Variants in EPHB1 observed in about 807,000 individuals in gnomAD.
EPHB1 encodes ephrin type-B receptor 1.
EPHB1 carries 30 observed loss-of-function variants against 94.4 expected under a neutral mutation model. The observed-to-expected ratio is 0.32, with a 90% CI of 0.24 to 0.43. EPHB1 has a LOEUF of 0.43. EPHB1 is among the 20% of genes least tolerant of loss of function. The pLI is 1.00. For missense variants in EPHB1, 1,055 were observed against 1,308.3 expected, an observed-to-expected ratio of 0.81 and a Z score of 2.99; for synonymous variants, 522 against 489.1, an observed-to-expected ratio of 1.07 and a Z score of -0.89.
chr3:135,025,243 G>T (rs7653690), intron 3 of EPHB1, among the ~76,000 whole-genome samples: 7,462 of 101,616 alleles, frequency 0.073, 720 homozygotes, highest in African/African-American at 0.21. Context: ...TAAGTTTTAG[G>T]GTACATGTGC....
intron 1 of EPHB1, among the ~76,000 whole-genome samples, chr3:134,868,161 A>G (rs2037420145): frequency 6.6e-6 from 1 of 152,218 alleles, no homozygotes; most frequent in Non-Finnish European, 1.5e-5. Context: ...AGATTTTTAA[A>G]TGTGGACATG....
intron 10 of EPHB1, among the ~76,000 whole-genome samples, chr3:135,192,176 C>G (rs776181448): frequency 6.6e-6 from 1 of 152,202 alleles, no homozygotes; most frequent in Admixed American, 6.5e-5. Flanking sequence ...CTGAACATGT[C>G]TCCTATCCCC....
chr3:135,200,344 G>A (rs1000003446), intron 11 of EPHB1, among the ~76,000 whole-genome samples: 13 of 152,188 alleles, frequency 8.5e-5, no homozygotes, highest in Admixed American at 2.0e-4. Flanking sequence ...AATGATAGGA[G>A]AGAGGACAGC....
At chr3:134,819,926 A>G (rs966964291) in intron 1 of EPHB1, among the ~76,000 whole-genome samples, 1 of 152,162 alleles carries the variant, frequency 6.6e-6, no homozygotes, top group African/African-American at 2.4e-5. Flanking sequence ...CCAATTTCTG[A>G]TTTAATCAGT....
intron 2 of EPHB1, among the ~76,000 whole-genome samples, chr3:134,931,762 T>C (rs62270315): frequency 0.088 from 13,360 of 152,282 alleles, 698 homozygotes; most frequent in African/African-American, 0.13. Context: ...TGTGCATGTA[T>C]ATATGAGTGT....
intron 1 of EPHB1, among the ~76,000 whole-genome samples, chr3:134,895,322 G>T (rs1403053957): frequency 1.3e-5 from 2 of 152,178 alleles, no homozygotes; most frequent in Non-Finnish European, 2.9e-5. Flanking sequence ...ATCTGTGAGT[G>T]TAACATTTTT....
At chr3:134,803,674 C>T (rs2035975698) in intron 1 of EPHB1, among the ~76,000 whole-genome samples, 1 of 152,076 alleles carries the variant, frequency 6.6e-6, no homozygotes, top group Admixed American at 6.5e-5. Flanking sequence ...ATTTTTTTCT[C>T]CCATTTTACA....
At chr3:135,101,227 C>T (rs538987554) in intron 3 of EPHB1, among the ~76,000 whole-genome samples, 1 of 152,312 alleles carries the variant, frequency 6.6e-6, no homozygotes, top group East Asian at 1.9e-4. Context: ...CTGCAAAGTC[C>T]AAAGCTGGGC....
At chr3:135,143,273 A>G (rs1382588643) in intron 5 of EPHB1, among the ~76,000 whole-genome samples, 1 of 152,142 alleles carries the variant, frequency 6.6e-6, no homozygotes, top group Non-Finnish European at 1.5e-5. Flanking sequence ...TGGGCATGGC[A>G]GGATGGAAGC....
intron 1 of EPHB1, chr3:134,852,396 G>C (rs2108300095): frequency 2.4e-4 from 1 of 4,104 alleles, no homozygotes; most frequent in East Asian, 0.024. Flanking sequence ...AGGAGAGAAG[G>C]GGCAGAGGGT....
chr3:135,039,997 C>A (rs1559805775), intron 3 of EPHB1, among the ~76,000 whole-genome samples: 1 of 152,248 alleles, frequency 6.6e-6, no homozygotes, highest in African/African-American at 2.4e-5. Flanking sequence ...CAGCCACCAA[C>A]TGAATACATT....
At position 134,821,809 on chromosome 3, in the gene EPHB1, T is replaced by C. The variant is rs565258773; in HGVS notation, c.58+26120T>C. 1.3e-3 allele frequency among the ~76,000 whole-genome samples: 197 copies of C among 152,302 alleles called. 1 individual carries two copies. The highest frequency in any genetic ancestry group is 4.6e-3 in the African/African-American group (192 of 41,556). On this transcript the variant is annotated intron_variant, in intron 1 of 15. Coordinates refer to ENST00000398015, the MANE Select transcript of EPHB1 (RefSeq NM_004441.5). ...GACACTGGGAGGCTGGGGGAGCCTG[T>C]GCTGTTGTGATGCCTTTGGGATACA...
chr3:134,996,849 C>A (rs908250070), intron 3 of EPHB1, among the ~76,000 whole-genome samples: 2 of 151,892 alleles, frequency 1.3e-5, no homozygotes, highest in African/African-American at 4.8e-5. Flanking sequence ...CATGAATAAA[C>A]CTTTGTCATG....
At chr3:134,988,548 C>T (rs777382720) in intron 3 of EPHB1, among the ~76,000 whole-genome samples, 2 of 152,244 alleles carry the variant, frequency 1.3e-5, no homozygotes, top group African/African-American at 4.8e-5. Flanking sequence ...TAAATGAATG[C>T]ACCATTAGGC....
intron 7 of EPHB1, 119 bp downstream of exon 7, chr3:135,162,299 C>T (rs1576437078): frequency 6.6e-6 from 8 of 1,206,574 alleles, no homozygotes; most frequent in Non-Finnish European, 8.9e-6. Flanking sequence ...CAGTGGAATT[C>T]CCTTCAAACG....
chr3:135,192,490 C>A, intron 10 of EPHB1, 86 bp from the exon 11 acceptor site: 3 of 1,470,798 alleles, frequency 2.0e-6, no homozygotes, highest in Non-Finnish European at 2.8e-6. Flanking sequence ...CCACTTGGGG[C>A]ACCATTGTTC....
At chr3:135,180,042 A>G in intron 10 of EPHB1, 60 bp downstream of exon 10, 5 of 1,599,200 alleles carry the variant, frequency 3.1e-6, no homozygotes, top group Admixed American at 3.4e-5. Flanking sequence ...TCTTTCCACC[A>G]CCCTAGATGG....
At chr3:135,042,710 A>G (rs562675794) in intron 3 of EPHB1, among the ~76,000 whole-genome samples, 1 of 152,318 alleles carries the variant, frequency 6.6e-6, no homozygotes, top group East Asian at 1.9e-4. Context: ...TGGTGACTCT[A>G]GGTAGGTAAG....
At chr3:135,061,057 G>A (rs1233612064) in intron 3 of EPHB1, among the ~76,000 whole-genome samples, 3 of 151,906 alleles carry the variant, frequency 2.0e-5, no homozygotes, top group Non-Finnish European at 4.4e-5. Context: ...TTGTCTTTCT[G>A]TTTCTGGCTT....
Sources: gnomAD v4.1 joint callset for allele counts (sites outside exome capture counted in the v4.1 genomes callset) on GRCh38, gnomAD v4.1.1 for gene constraint, MANE v1.5 for transcripts, NCBI Gene and HGNC (gene_info 2026-07-23, HGNC 2026-07-21) for gene names.